FAM216B: variants seen among roughly 807,000 people sequenced by gnomAD.
FAM216B encodes protein FAM216B.
FAM216B carries 11 observed loss-of-function variants against 12.9 expected under a neutral mutation model. That is an observed-to-expected ratio of 0.86 (90% CI 0.54 to 1.42). The LOEUF (loss-of-function observed/expected upper bound fraction) is 1.42. FAM216B is among the 40% of genes most tolerant of loss of function. FAM216B has a pLI of 0.00. For synonymous variants in FAM216B, 52 were observed against 57.2 expected, an observed-to-expected ratio of 0.91 and a Z score of 0.41; for missense variants, 167 against 162.9, an observed-to-expected ratio of 1.02 and a Z score of -0.14.
At position 42,789,943 on chromosome 13, in the gene FAM216B, G is replaced by A. The variant is rs548536432; in HGVS notation, c.*1153G>A. 2 of 152,248 alleles carry A rather than the reference G, an allele frequency of 1.3e-5. No individual in the cohort carries two copies. Among genetic ancestry groups the A allele is most frequent in the South Asian group, 4.1e-4 (2 of 4,824 alleles). The allele number at this position is 152,248 out of a possible 1,614,324, so 9.4% of individuals were successfully genotyped here. A position where few individuals can be genotyped will look rare whatever the true frequency, so the allele number is the denominator to read the frequency against. On this transcript the variant is annotated 3_prime_UTR_variant, in exon 4 of 4. Coordinates refer to ENST00000313851, the MANE Select transcript of FAM216B (RefSeq NM_001318932.2). Reference sequence around the variant, plus strand: ...TGAGATTCTGAACACTAGTATTGAGGTCCAGCACTACTTCCAAGCTCCTAT... The same window carrying A: ...TGAGATTCTGAACACTAGTATTGAGATCCAGCACTACTTCCAAGCTCCTAT...
chr13:42,789,003 C>T lies in FAM216B; in HGVS notation c.*213C>T, dbSNP rs1387162705. Reference sequence around the variant, plus strand: ...TAAGCAAGCCTTTCCACATAACATCCGTAGAGTAAAAGGACTTTTAAAGCT... The same window carrying T: ...TAAGCAAGCCTTTCCACATAACATCTGTAGAGTAAAAGGACTTTTAAAGCT... On this transcript the variant is annotated 3_prime_UTR_variant, in exon 4 of 4. Coordinates refer to ENST00000313851, the MANE Select transcript of FAM216B (RefSeq NM_001318932.2). 12 of 423,560 alleles carry T rather than the reference C, an allele frequency of 2.8e-5. No individual in the cohort carries two copies. The highest frequency in any genetic ancestry group is 4.2e-5 in the Non-Finnish European group (10 of 237,276). The allele number at this position is 423,560 out of a possible 1,614,324, so 26.2% of individuals were successfully genotyped here.
chr13:42,788,886 T>G lies in FAM216B; in HGVS notation c.*96T>G, dbSNP rs1179573937. The stretch of plus-strand genomic sequence containing the variant: ...TATTTGTTGAATGACAGTGAATAAT[T>G]TCTAATATAAACCCCAGACCTAAAA... On this transcript the variant is annotated 3_prime_UTR_variant, in exon 4 of 4. Coordinates refer to ENST00000313851, the MANE Select transcript of FAM216B (RefSeq NM_001318932.2). 21 of 1,212,742 alleles carry G rather than the reference T, an allele frequency of 1.7e-5. No individual in the cohort carries two copies. The South Asian group carries it at 3.0e-4, about 17-fold the overall frequency. 75.1% of individuals were successfully genotyped at this position (1,212,742 alleles called of 1,614,324 possible).
intron 1 of FAM216B, among the ~76,000 whole-genome samples, chr13:42,783,167 G>T (rs775760960): frequency 1.3e-5 from 2 of 151,812 alleles, no homozygotes; most frequent in Non-Finnish European, 2.9e-5. Flanking sequence ...AAAATAATTG[G>T]GTGTGGGGTG....
rs964190850 is a variant in FAM216B, at chr13:42,788,629, G to A, written c.259G>A (p.Val87Ile). ...ACGGGAAGCCTTGTCTTATGCTCTT[G>A]TACTTAGAGATTCAACCAAGAGAGC... ...TQREALSYAL[V>I]LRDSTKRASA... The change falls in exon 4 of 4, where the codon GTA (valine) becomes ATA (isoleucine). Residue 87 changes from valine to isoleucine, a missense_variant. By Grantham distance (29) the Val-to-Ile change is conservative. Coordinates refer to ENST00000313851, the MANE Select transcript of FAM216B (RefSeq NM_001318932.2). 6 of 1,613,782 alleles carry A rather than the reference G, an allele frequency of 3.7e-6. No individual in the cohort carries two copies. Among genetic ancestry groups the A allele is most frequent in the South Asian group, 2.2e-5 (2 of 91,056 alleles).
rs768288038 is a variant in FAM216B at position 42,788,597 on chromosome 13, T to C, written c.227T>C (p.Ile76Thr). Reference sequence around the variant, plus strand: ...TCTCATTTCTTTCCCCTAGGCTATATTACTCAACGGGAAGCCTTGTCTTAT... The same window carrying C: ...TCTCATTTCTTTCCCCTAGGCTATACTACTCAACGGGAAGCCTTGTCTTAT... Reference protein sequence around the residue: ...SLQHQQLLGYITQREALSYAL... With the variant: ...SLQHQQLLGYTTQREALSYAL... The change falls in exon 4 of 4, where the codon ATT becomes ACT. Residue 76 changes from isoleucine to threonine, a missense_variant. Coordinates refer to ENST00000313851, the MANE Select transcript of FAM216B (RefSeq NM_001318932.2). 8.1e-6 allele frequency: 13 copies of C among 1,611,790 alleles called. No homozygotes were observed. Among genetic ancestry groups the C allele is most frequent in the Non-Finnish European group, 1.1e-5 (13 of 1,179,002 alleles).
intron 3 of FAM216B, among the ~76,000 whole-genome samples, chr13:42,788,052 A>G (rs1208101727): frequency 6.6e-6 from 1 of 152,246 alleles, no homozygotes; most frequent in Non-Finnish European, 1.5e-5. Flanking sequence ...TTTTAGAGCA[A>G]AAATTGCATA....
chr13:42,790,796 G>C lies in FAM216B; in HGVS notation c.*2006G>C, dbSNP rs1426845413. 2.0e-5 allele frequency: 3 copies of C among 152,194 alleles called. No individual in the cohort carries two copies. Among genetic ancestry groups the C allele is most frequent in the African/African-American group, 7.2e-5 (3 of 41,442 alleles). 9.4% of individuals were successfully genotyped at this position (152,194 alleles called of 1,614,324 possible). On this transcript the variant is annotated 3_prime_UTR_variant, in exon 4 of 4. Transcript: ENST00000313851. ...ATACATTATCAGAACTTAAGTCCTG[G>C]AGATCAGAGACTGTTTCACCTGAAA...
At chr13:42,786,606 C>T in intron 2 of FAM216B, among the ~76,000 whole-genome samples, 157 bp from the exon 3 acceptor site, 1 of 151,148 alleles carries the variant, frequency 6.6e-6, no homozygotes, top group East Asian at 1.9e-4. Context: ...GAGGAAACTC[C>T]CCAGTTGTTA....
intron 2 of FAM216B, among the ~76,000 whole-genome samples, chr13:42,785,601 G>A (rs1874055664): frequency 6.6e-6 from 1 of 152,160 alleles, no homozygotes; most frequent in African/African-American, 2.4e-5. Context: ...CAAAATACAT[G>A]CAAATGCAAA....
chr13:42,783,872 T>A (rs1750201754), intron 1 of FAM216B, among the ~76,000 whole-genome samples, 182 bp from the exon 2 acceptor site: 1 of 152,040 alleles, frequency 6.6e-6, no homozygotes, highest in Non-Finnish European at 1.5e-5. Context: ...AATAGGAAAA[T>A]GTGTGGAATT....
At chr13:42,787,756 T>C (rs755581429) in intron 3 of FAM216B, among the ~76,000 whole-genome samples, 12 of 152,196 alleles carry the variant, frequency 7.9e-5, no homozygotes, top group Non-Finnish European at 1.6e-4. Flanking sequence ...GTTTTTGCAA[T>C]TGATTTAATA....
chr13:42,784,173 CTTTTTT>C lies in FAM216B; in HGVS notation c.99+22_99+27del. The stretch of plus-strand genomic sequence containing the variant: ...TGACACTTCCTTACTAAAGGTATGG[CTTTTTT>C]TTTTTTTTTTTTTTCACAGATAGAG... On this transcript the variant is annotated splice_region_variant and intron_variant, in intron 2 of 3. Transcript: ENST00000313851. 51 of 750,540 alleles carry C rather than the reference CTTTTTT, an allele frequency of 6.8e-5. No individual in the cohort carries two copies. The highest frequency in any genetic ancestry group is 1.4e-4 in the South Asian group (5 of 35,720). 46.5% of individuals were successfully genotyped at this position (750,540 alleles called of 1,614,324 possible).
At chr13:42,785,383 T>C in intron 2 of FAM216B, among the ~76,000 whole-genome samples, 1 of 152,224 alleles carries the variant, frequency 6.6e-6, no homozygotes, top group Non-Finnish European at 1.5e-5. Context: ...TACCTTTACA[T>C]ATAATTATCT....
At chr13:42,786,390 GAA>G (rs1428161332) in intron 2 of FAM216B, among the ~76,000 whole-genome samples, 5 of 152,082 alleles carry the variant, frequency 3.3e-5, no homozygotes, top group Non-Finnish European at 5.9e-5. Context: ...ACTTACAGTG[GAA>G]AATTTTCTAC....
chr13:42,788,622 T>C lies in FAM216B; in HGVS notation c.252T>C (p.Tyr84=), dbSNP rs760697892. 1.5e-5 allele frequency: 25 copies of C among 1,613,770 alleles called. No homozygotes were observed. The highest frequency in any genetic ancestry group is 2.7e-5 in the African/African-American group (2 of 74,918). Reference sequence around the variant, plus strand: ...TTACTCAACGGGAAGCCTTGTCTTATGCTCTTGTACTTAGAGATTCAACCA... The same window carrying C: ...TTACTCAACGGGAAGCCTTGTCTTACGCTCTTGTACTTAGAGATTCAACCA... ...GYITQREALS[Y]ALVLRDSTKR... Residue 84 remains tyrosine, a synonymous_variant, in exon 4 of 4, where the codon TAT becomes TAC. Transcript: ENST00000313851.
At chr13:42,783,940 G>C in intron 1 of FAM216B, 114 bp from the exon 2 acceptor site, 1 of 605,154 alleles carries the variant, frequency 1.7e-6, no homozygotes, top group Non-Finnish European at 2.8e-6. Context: ...TTATCCCTTA[G>C]AACAAATTAC....
rs1406913266 is a variant in FAM216B, at chr13:42,790,901, T to G, written c.*2111T>G. The G allele has an allele frequency of 3.9e-5, 6 of 152,184 alleles. No homozygotes were observed. The highest frequency in any genetic ancestry group is 3.9e-4 in the Admixed American group (6 of 15,284). The allele number at this position is 152,184 out of a possible 1,614,324, so 9.4% of individuals were successfully genotyped here. A position where few individuals can be genotyped will look rare whatever the true frequency, so the allele number is the denominator to read the frequency against. ...GAATAATAATGAGGTTTTCAAAGATTCTGCAAGTCAGACTGGCCTCTGGCT... is the reference window on the plus strand; with the variant it reads ...GAATAATAATGAGGTTTTCAAAGATGCTGCAAGTCAGACTGGCCTCTGGCT... On this transcript the variant is annotated 3_prime_UTR_variant, in exon 4 of 4. Transcript: ENST00000313851.
At chr13:42,784,784 A>G (rs1483610567) in intron 2 of FAM216B, among the ~76,000 whole-genome samples, 1 of 151,420 alleles carries the variant, frequency 6.6e-6, no homozygotes, top group African/African-American at 2.4e-5. Context: ...CAGTGAGCCG[A>G]GATCGCGCCA....
rs1253047473 is a variant in FAM216B at position 42,788,762 on chromosome 13, G to C, written c.392G>C (p.Ser131Thr). 1 of 1,613,008 alleles carries C rather than the reference G, an allele frequency of 6.2e-7. No homozygotes were observed. The highest frequency in any genetic ancestry group is 1.3e-5 in the African/African-American group (1 of 74,844). The change falls in exon 4 of 4, where the codon AGT becomes ACT. Residue 131 changes from serine (S) to threonine (T), a missense_variant. By Grantham distance (58) the Ser-to-Thr change is moderately conservative (BLOSUM62 1). Transcript: ENST00000313851. ...TCTGTGGTTCTACCTAGGGCCCAAA[G>C]TAAAAGGCGCCAAGTGCTCAGGAAC... is the stretch of plus-strand genomic sequence containing the variant. ...PVSVVLPRAQ[S>T]KRRQVLRN
Sources: allele counts gnomAD v4.1 joint callset (sites outside exome capture counted in the v4.1 genomes callset), GRCh38; gene constraint gnomAD v4.1.1; transcripts MANE v1.5; gene names NCBI Gene and HGNC (gene_info 2026-07-23, HGNC 2026-07-21).